Variants in DST observed in about 807,000 individuals in gnomAD.
The protein encoded by DST is bullous pemphigoid antigen.
A neutral mutation model predicts 875.2 loss-of-function variants in DST; 253 were observed. The observed-to-expected ratio is 0.29, with a 90% CI of 0.26 to 0.32. The LOEUF (loss-of-function observed/expected upper bound fraction) is 0.32, where lower values mean the gene tolerates loss of function less well. Among genes scored for constraint, DST ranks in the 10% least tolerant of loss-of-function variants. DST has a pLI of 1.00. For synonymous variants in DST, 3,124 were observed against 3,197.1 expected, an observed-to-expected ratio of 0.98 and a Z score of 0.77; for missense variants, 8,287 against 9,111.6, an observed-to-expected ratio of 0.91 and a Z score of 3.68.
chr6:56,944,529 G>A (rs533851981), intron 2 of DST, among the ~76,000 whole-genome samples: 263 of 152,198 alleles, frequency 1.7e-3, no homozygotes, highest in Middle Eastern at 6.8e-3. Flanking sequence ...AATAGAAAGA[G>A]GCTTTCTTAG....
intron 4 of DST, among the ~76,000 whole-genome samples, chr6:56,844,990 G>C (rs1054683593): frequency 1.3e-5 from 2 of 152,160 alleles, no homozygotes; most frequent in African/African-American, 4.8e-5. Flanking sequence ...AACAGCGATA[G>C]TAGTGCCTAA....
chr6:56,468,111 C>G (rs922247735), intron 98 of DST, among the ~76,000 whole-genome samples: 3 of 151,838 alleles, frequency 2.0e-5, no homozygotes, highest in Admixed American at 1.3e-4. Flanking sequence ...AGAGTCATAT[C>G]TAATGTAATA....
At chr6:56,761,813 A>G (rs1289915045) in intron 4 of DST, among the ~76,000 whole-genome samples, 1 of 152,210 alleles carries the variant, frequency 6.6e-6, no homozygotes, top group Admixed American at 6.5e-5. Flanking sequence ...GTCAAAAAAG[A>G]AGAACTTACA....
intron 17 of DST, among the ~76,000 whole-genome samples, chr6:56,641,205 A>C (rs1211281405): frequency 6.6e-6 from 1 of 152,098 alleles, no homozygotes; most frequent in Non-Finnish European, 1.5e-5. Context: ...TCAGTGATAA[A>C]GGTTTTTATA....
At position 56,553,228 on chromosome 6, in the gene DST, G is replaced by A. The variant is rs780706310; in HGVS notation, c.15564C>T (p.Asn5188=). Residue 5188 remains asparagine (N), a synonymous_variant, in exon 61 of 104, where the codon AAC becomes AAT. Transcript: ENST00000680361. The stretch of plus-strand genomic sequence containing the variant: ...CCAAGCAAAATTTTATTTCCTCCAG[G>A]TTGTTTTGGCATTTGTCTATCCATG... The part of the protein sequence containing the change: ...LWPWIDKCQN[N]LEEIKFCLDP... 6 of 1,613,806 alleles carry A rather than the reference G, an allele frequency of 3.7e-6. No homozygotes were observed. In the Admixed American group the frequency reaches 8.3e-5, roughly 22 times the overall value.
intron 53 of DST, among the ~76,000 whole-genome samples, chr6:56,571,721 C>A (rs1029151486): frequency 1.3e-5 from 2 of 152,138 alleles, no homozygotes; most frequent in Non-Finnish European, 2.9e-5. Flanking sequence ...CTGAGTTGAG[C>A]TCAGAAAGCA....
intron 2 of DST, among the ~76,000 whole-genome samples, chr6:56,904,367 G>A (rs1795420923): frequency 6.6e-6 from 1 of 152,120 alleles, no homozygotes. Context: ...CTAGGTGTGT[G>A]GTCTTGGCTA....
intron 4 of DST, among the ~76,000 whole-genome samples, chr6:56,817,492 TTTTG>T (rs1057069428): frequency 1.3e-5 from 2 of 152,200 alleles, no homozygotes; most frequent in African/African-American, 2.4e-5. Flanking sequence ...AAAAGTTTTC[TTTTG>T]TTTGTTTTGT....
At chr6:56,570,824 T>C (rs557547409) in intron 53 of DST, among the ~76,000 whole-genome samples, 1 of 152,332 alleles carries the variant, frequency 6.6e-6, no homozygotes, top group South Asian at 2.1e-4. Flanking sequence ...GTTTGAACAT[T>C]ATTTACATTC....
intron 10 of DST, among the ~76,000 whole-genome samples, chr6:56,656,022 G>T (rs1260166605): frequency 2.0e-5 from 3 of 152,162 alleles, no homozygotes; most frequent in Non-Finnish European, 4.4e-5. Flanking sequence ...AGAAAAACAT[G>T]AGCTATGGGG....
intron 4 of DST, among the ~76,000 whole-genome samples, chr6:56,810,179 C>T (rs2099758192): frequency 6.6e-6 from 1 of 152,122 alleles, no homozygotes; most frequent in South Asian, 2.1e-4. Flanking sequence ...ATTAGCCAGG[C>T]ATGGTGGCAC....
chr6:56,645,472 G>C (rs2098936976), intron 15 of DST, among the ~76,000 whole-genome samples: 1 of 152,076 alleles, frequency 6.6e-6, no homozygotes, highest in African/African-American at 2.4e-5. Context: ...CTAGATTTTG[G>C]TTTCCAATGC....
At chr6:56,461,376 G>A (rs2094321716) in intron 102 of DST, 2 of 152,138 alleles carry the variant, frequency 1.3e-5, no homozygotes, top group Admixed American at 6.5e-5. Context: ...AAAATCAAGA[G>A]CCTGAGGAGG....
chr6:56,531,325 G>C (rs1318411727), intron 64 of DST, among the ~76,000 whole-genome samples: 1 of 152,126 alleles, frequency 6.6e-6, no homozygotes, highest in Non-Finnish European at 1.5e-5. Context: ...TTTAGGAAAA[G>C]AAGACTAGTT....
chr6:56,808,877 T>A (rs998943930), intron 4 of DST, among the ~76,000 whole-genome samples: 4 of 152,206 alleles, frequency 2.6e-5, no homozygotes, highest in African/African-American at 9.6e-5. Context: ...ATAACTTCAG[T>A]AATTTGTGAA....
At chr6:56,937,253 A>G (rs1483956056) in intron 2 of DST, among the ~76,000 whole-genome samples, 1 of 152,176 alleles carries the variant, frequency 6.6e-6, no homozygotes, top group East Asian at 1.9e-4. Flanking sequence ...CACAGACCAT[A>G]AAAATAGGCA....
intron 5 of DST, among the ~76,000 whole-genome samples, chr6:56,718,193 C>T (rs1589133417): frequency 6.6e-6 from 1 of 152,260 alleles, no homozygotes; most frequent in African/African-American, 2.4e-5. Flanking sequence ...CCACTGTACC[C>T]TATCCTAGGT....
chr6:56,581,279 G>A (rs141160446), intron 49 of DST, among the ~76,000 whole-genome samples: 17 of 152,076 alleles, frequency 1.1e-4, no homozygotes, highest in African/African-American at 3.9e-4. Context: ...GCCAGAGAAG[G>A]AGATTCTAAA....
intron 9 of DST, among the ~76,000 whole-genome samples, chr6:56,671,944 T>C (rs2099103875): frequency 6.6e-6 from 1 of 152,198 alleles, no homozygotes; most frequent in South Asian, 2.1e-4. Context: ...TCCTTATCTA[T>C]AAAATGAGGA....
Sources: gnomAD v4.1 joint callset for allele counts (sites outside exome capture counted in the v4.1 genomes callset) on GRCh38, gnomAD v4.1.1 for gene constraint, MANE v1.5 for transcripts, NCBI Gene and HGNC (gene_info 2026-07-23, HGNC 2026-07-21) for gene names.